The following CDIN1 variants were observed in gnomAD, a reference collection of about 807,000 sequenced individuals.
CDIN1 encodes the protein CDAN1-interacting nuclease 1.
A neutral mutation model predicts 45.3 loss-of-function variants in CDIN1; 33 were observed. The observed-to-expected ratio is 0.73, with a 90% CI of 0.55 to 0.97. CDIN1 has a LOEUF of 0.97. Among genes scored for constraint, CDIN1 ranks in the 50% least tolerant of loss-of-function variants. CDIN1 has a pLI of 0.00. For synonymous variants in CDIN1, 118 were observed against 124.4 expected (o/e 0.95, Z 0.34); for missense variants, 303 against 339.4 (o/e 0.89, Z 0.84).
chr15:36,737,884 CTATATT>C (rs1323525766), intron 10 of CDIN1, among the ~76,000 whole-genome samples: 2 of 152,158 alleles, frequency 1.3e-5, no homozygotes, highest in Non-Finnish European at 2.9e-5. Context: ...TTGTTCAAGA[CTATATT>C]TATGACCAAA....
intron 1 of CDIN1, among the ~76,000 whole-genome samples, chr15:36,588,734 G>A (rs970284341): frequency 1.3e-5 from 2 of 151,906 alleles, no homozygotes; most frequent in African/African-American, 2.4e-5. Flanking sequence ...TAGCTTTAAA[G>A]ACTCTTCTGA....
chr15:36,659,119 G>A (rs2040891541), intron 5 of CDIN1, among the ~76,000 whole-genome samples: 1 of 152,284 alleles, frequency 6.6e-6, no homozygotes, highest in South Asian at 2.1e-4. Context: ...TCCAGGTCTT[G>A]TCAAAATAGT....
intron 10 of CDIN1, among the ~76,000 whole-genome samples, chr15:36,746,323 G>A (rs1190719433): frequency 6.6e-6 from 1 of 152,110 alleles, no homozygotes; most frequent in Non-Finnish European, 1.5e-5. Flanking sequence ...AGTTATTGCT[G>A]AAATACAAGT....
chr15:36,712,169 A>G (rs964561060), intron 10 of CDIN1, among the ~76,000 whole-genome samples: 1 of 152,086 alleles, frequency 6.6e-6, no homozygotes, highest in Non-Finnish European at 1.5e-5. Context: ...TAGTTTATAT[A>G]AAAACCAATA....
At chr15:36,806,210 A>T (rs1437852862) in intron 10 of CDIN1, among the ~76,000 whole-genome samples, 3 of 152,146 alleles carry the variant, frequency 2.0e-5, no homozygotes, top group African/African-American at 7.2e-5. Context: ...CTGTTGCCTC[A>T]CAAGTGAAAC....
rs1354096213 is a variant in CDIN1 at position 36,709,222 on chromosome 15, G to T, written c.545-1G>T. 1 of 1,594,316 alleles carries T rather than the reference G, an allele frequency of 6.3e-7. No homozygotes were observed. Among genetic ancestry groups the T allele is most frequent in the South Asian group, 1.2e-5 (1 of 86,148 alleles). On this transcript the variant is annotated splice_acceptor_variant, in intron 8 of 10. Transcript: ENST00000566621. LOFTEE classifies it high-confidence loss of function. ...GTAAATAGTGTTTGTTCTTCCTGTA[G>T]ATGAAGATCAGCTTCGTGCAAAGGG...
intron 8 of CDIN1, chr15:36,705,043 G>C (rs960412133): frequency 6.6e-6 from 1 of 151,872 alleles, no homozygotes; most frequent in African/African-American, 2.4e-5. Flanking sequence ...TGGATATTTT[G>C]GGCATTTGGA....
chr15:36,716,854 G>T (rs139115190), intron 10 of CDIN1, among the ~76,000 whole-genome samples: 276 of 152,288 alleles, frequency 1.8e-3, no homozygotes, highest in African/African-American at 6.3e-3. Flanking sequence ...ACTGTGTTAG[G>T]CAGTAGGGAC....
At chr15:36,761,100 T>C (rs1180615685) in intron 10 of CDIN1, among the ~76,000 whole-genome samples, 1 of 152,214 alleles carries the variant, frequency 6.6e-6, no homozygotes, top group Non-Finnish European at 1.5e-5. Flanking sequence ...ATCTAAAAGC[T>C]AAGGCACTTA....
intron 10 of CDIN1, chr15:36,804,465 A>T (rs2055157146): frequency 1.3e-5 from 2 of 151,922 alleles, no homozygotes; most frequent in Admixed American, 6.6e-5. Flanking sequence ...GGTATCTTTC[A>T]TGTACCAGGC....
intron 1 of CDIN1, among the ~76,000 whole-genome samples, chr15:36,605,501 G>A (rs528733676): frequency 2.0e-5 from 3 of 152,256 alleles, no homozygotes; most frequent in African/African-American, 4.8e-5. Flanking sequence ...GGAGGTTTCC[G>A]CGTTAGCTGG....
chr15:36,624,207 C>T (rs140241729), intron 1 of CDIN1, among the ~76,000 whole-genome samples: 14 of 152,340 alleles, frequency 9.2e-5, no homozygotes, highest in African/African-American at 3.1e-4. Context: ...CATCTCTGCT[C>T]ATCCTCTGGT....
chr15:36,668,608 C>T (rs1185365592), intron 5 of CDIN1, among the ~76,000 whole-genome samples: 1 of 152,154 alleles, frequency 6.6e-6, no homozygotes, highest in Non-Finnish European at 1.5e-5. Context: ...GATTCATCCT[C>T]TCTCCATTAT....
chr15:36,778,393 C>T (rs911718148), intron 10 of CDIN1, among the ~76,000 whole-genome samples: 2 of 152,146 alleles, frequency 1.3e-5, no homozygotes, highest in African/African-American at 4.8e-5. Context: ...TATCATTTTA[C>T]CCTCTGCTAC....
chr15:36,764,956 G>A (rs748179590), intron 10 of CDIN1, among the ~76,000 whole-genome samples: 6 of 152,188 alleles, frequency 3.9e-5, no homozygotes, highest in Non-Finnish European at 8.8e-5. Flanking sequence ...GGCAAAGCGA[G>A]AAGGTAGTAG....
intron 10 of CDIN1, among the ~76,000 whole-genome samples, chr15:36,736,198 C>G (rs1472305603): frequency 6.6e-6 from 1 of 152,160 alleles, no homozygotes; most frequent in East Asian, 1.9e-4. Flanking sequence ...CCCCATTTCT[C>G]TCTCTGTTTT....
At chr15:36,607,231 A>G (rs1045594998) in intron 1 of CDIN1, among the ~76,000 whole-genome samples, 8 of 152,146 alleles carry the variant, frequency 5.3e-5, no homozygotes, top group African/African-American at 1.9e-4. Flanking sequence ...AAATTGTTGG[A>G]TCAGTGGGAA....
At chr15:36,746,690 C>A (rs1346765229) in intron 10 of CDIN1, among the ~76,000 whole-genome samples, 1 of 150,664 alleles carries the variant, frequency 6.6e-6, no homozygotes, top group Non-Finnish European at 1.5e-5. Flanking sequence ...CACACACACA[C>A]ACACACACTG....
intron 1 of CDIN1, among the ~76,000 whole-genome samples, chr15:36,596,501 TATTA>T (rs974189456): frequency 1.1e-4 from 16 of 152,296 alleles, no homozygotes; most frequent in African/African-American, 3.8e-4. Flanking sequence ...CTTGTAAACT[TATTA>T]ATTAAGGTAG....
Sources: gnomAD v4.1 joint callset for allele counts (sites outside exome capture counted in the v4.1 genomes callset) on GRCh38, gnomAD v4.1.1 for gene constraint, MANE v1.5 for transcripts, NCBI Gene and HGNC (gene_info 2026-07-23, HGNC 2026-07-21) for gene names.